ZBED6: variants seen among roughly 807,000 people sequenced by gnomAD.
ZBED6 encodes zinc finger BED-type containing 6.
In ZBED6, 40 loss-of-function variants were observed where a neutral mutation model predicts 58.4. The ratio of observed to expected loss-of-function variants is 0.68; its 90% CI spans 0.53 to 0.89. The LOEUF (loss-of-function observed/expected upper bound fraction) is 0.89. Ranked by LOEUF, ZBED6 falls within the 40% of genes least tolerant of loss-of-function variation. The pLI is 0.00. For synonymous variants in ZBED6, 439 were observed against 350.6 expected (o/e 1.25, Z -2.82); for missense variants, 1,057 against 1,003.9 (o/e 1.05, Z -0.71).
In ZBED6 at chr1:203,819,501, C is replaced by T. The variant is rs138168614; in HGVS notation, c.*2873+812C>T. Among the ~76,000 whole-genome samples, 247 of 147,244 alleles carry T rather than the reference C, an allele frequency of 1.7e-3. 5 individuals are homozygous for T. The East Asian group carries it at 0.039, about 23-fold the overall frequency. On this transcript the variant is annotated intron_variant, in intron 3 of 16. Transcript: ENST00000550078. Reference sequence around the variant, plus strand: ...CCTCTGAAAGTGCTGGGATTACATGCGTGAGCCACCGTGCCCAGCTGACTC... The same window carrying T: ...CCTCTGAAAGTGCTGGGATTACATGTGTGAGCCACCGTGCCCAGCTGACTC...
chr1:203,808,911 A>G (rs771541230), intron 1 of ZBED6, among the ~76,000 whole-genome samples: 2 of 151,778 alleles, frequency 1.3e-5, no homozygotes, highest in Non-Finnish European at 2.9e-5. Context: ...GCTCACTGCA[A>G]CCTCCACCTC....
intron 1 of ZBED6, among the ~76,000 whole-genome samples, chr1:203,810,962 C>T (rs1445853351): frequency 3.4e-5 from 5 of 148,880 alleles, no homozygotes; most frequent in Non-Finnish European, 4.4e-5. Flanking sequence ...GAAACTCCAT[C>T]TCTACTAAAA....
chr1:203,851,161 C>A, intron 16 of ZBED6, 37 bp downstream of exon 16: 1 of 1,591,528 alleles, frequency 6.3e-7, no homozygotes, highest in Non-Finnish European at 8.6e-7. Flanking sequence ...AAACTCCAGG[C>A]CCCTGTTACT....
chr1:203,837,964 A>T lies in ZBED6; in HGVS notation c.*3574-2A>T. 6.2e-7 allele frequency: 1 copy of T among 1,607,668 alleles called. No individual in the cohort carries two copies. On this transcript the variant is annotated splice_acceptor_variant, in intron 9 of 16. Transcript: ENST00000550078. LOFTEE classifies it low-confidence loss of function (3UTR_SPLICE). ...CTTAAACTAAGTTCTCCCTCTTTAT[A>T]GGCGGTGACAGTGATCCTCCATTAA...
At chr1:203,846,486 T>A (rs904532996) in intron 11 of ZBED6, among the ~76,000 whole-genome samples, 3 of 152,220 alleles carry the variant, frequency 2.0e-5, no homozygotes, top group African/African-American at 7.2e-5. Context: ...GTGTAGGTGT[T>A]CCTGCTGTGT....
At chr1:203,810,798 C>T (rs1278352236) in intron 1 of ZBED6, among the ~76,000 whole-genome samples, 1 of 151,976 alleles carries the variant, frequency 6.6e-6, no homozygotes, top group Non-Finnish European at 1.5e-5. Context: ...TCCATTTCTC[C>T]ACACTCTGCC....
Position 203,799,206 on chromosome 1 carries a change from G to A in ZBED6, c.1684G>A (p.Val562Ile), listed in dbSNP as rs956337815. The A allele has an allele frequency of 5.8e-6, 6 of 1,043,380 alleles. No individual in the cohort carries two copies. The highest frequency in any genetic ancestry group is 7.2e-6 in the Non-Finnish European group (5 of 696,856). 64.6% of individuals were successfully genotyped at this position (1,043,380 alleles called of 1,614,324 possible). The change falls in exon 1 of 17, where the codon GTT (valine) becomes ATT (isoleucine). Residue 562 changes from valine (V) to isoleucine (I), a missense_variant. Coordinates refer to ENST00000550078, the Ensembl canonical transcript of ZBED6. The stretch of plus-strand genomic sequence containing the variant: ...AAATTTCCTTATCCCTAGCTTCATT[G>A]TTTCTGACAATTCCTCTAATGTGGT...
At chr1:203,840,542 C>A (rs1465759268) in intron 11 of ZBED6, among the ~76,000 whole-genome samples, 168 bp downstream of exon 11, 1 of 151,966 alleles carries the variant, frequency 6.6e-6, no homozygotes, top group Non-Finnish European at 1.5e-5. Flanking sequence ...CAACTGGGAT[C>A]AATTCCTTTT....
chr1:203,843,470 C>A (rs530751434), intron 11 of ZBED6, among the ~76,000 whole-genome samples: 1 of 152,106 alleles, frequency 6.6e-6, no homozygotes, highest in Non-Finnish European at 1.5e-5. Flanking sequence ...TTTTGGCTAA[C>A]CTTCTGTGAG....
At chr1:203,820,357 T>C (rs1413088600) in intron 3 of ZBED6, among the ~76,000 whole-genome samples, 3 of 152,108 alleles carry the variant, frequency 2.0e-5, no homozygotes, top group Non-Finnish European at 2.9e-5. Context: ...TTAACACTTA[T>C]GGTAGCTATA....
At chr1:203,830,930 T>TTTTA (rs1682092649) in intron 7 of ZBED6, among the ~76,000 whole-genome samples, 1 of 74,836 alleles carries the variant, frequency 1.3e-5, no homozygotes, top group African/African-American at 7.2e-5. Context: ...CCCCAATTTT[T>TTTTA]TTTTTTTTTT....
At chr1:203,846,644 C>G (rs1277500412) in intron 11 of ZBED6, among the ~76,000 whole-genome samples, 3 of 152,156 alleles carry the variant, frequency 2.0e-5, no homozygotes, top group Admixed American at 2.0e-4. Context: ...GCCCAGTGTT[C>G]ATTACATGTT....
At chr1:203,803,279 C>T (rs1187338816) in intron 1 of ZBED6, among the ~76,000 whole-genome samples, 1 of 151,894 alleles carries the variant, frequency 6.6e-6, no homozygotes, top group Non-Finnish European at 1.5e-5. Flanking sequence ...GCAACCTCCT[C>T]CTCCCAGGTT....
chr1:203,847,252 C>G (rs1323162054), exon 12 of ZBED6: 1 of 1,613,634 alleles, frequency 6.2e-7, no homozygotes, highest in Non-Finnish European at 8.5e-7. Context: ...AAGAGCCAGT[C>G]AGAAACGTGG....
chr1:203,833,618 G>GTTTTTT (rs553171669), intron 8 of ZBED6, among the ~76,000 whole-genome samples, 173 bp from the exon 9 acceptor site: 15,360 of 123,606 alleles, frequency 0.12, 1,071 homozygotes, highest in East Asian at 0.29. Context: ...ATAGGTTTGG[G>GTTTTTT]TTTTTTTTTT....
chr1:203,847,541 A>T, exon 12 of ZBED6: 1 of 1,614,008 alleles, frequency 6.2e-7, no homozygotes. Context: ...AAGTCTATGC[A>T]GGAGGTGCAC....
chr1:203,798,708 G>A lies in ZBED6; in HGVS notation c.1186G>A (p.Glu396Lys), dbSNP rs1289889231. The A allele has an allele frequency of 7.8e-6, 12 of 1,536,104 alleles. No homozygotes were observed. The South Asian group carries it at 1.3e-4, about 17-fold the overall frequency. ...GCAAGGCACTCTGATGCGTGCGCAG[G>A]AGAGAGAAACAACATGTTGTGGAAA... is the stretch of plus-strand genomic sequence containing the variant. The change falls in exon 1 of 17, where the codon GAG becomes AAG. Residue 396 changes from glutamate (E) to lysine (K), a missense_variant. Coordinates refer to ENST00000550078, the Ensembl canonical transcript of ZBED6.
At chr1:203,853,280 A>G (rs558179106) in exon 17 of ZBED6, 4 of 152,748 alleles carry the variant, frequency 2.6e-5, no homozygotes, top group South Asian at 2.1e-4. Flanking sequence ...CCTGTTGCCC[A>G]GTATTTGTTT....
intron 1 of ZBED6, among the ~76,000 whole-genome samples, chr1:203,809,734 A>T (rs1293019795): frequency 6.6e-6 from 1 of 152,034 alleles, no homozygotes. Context: ...TGGGCAGATC[A>T]CTTGAGGTCA....
Sources: gnomAD v4.1 joint callset for allele counts (sites outside exome capture counted in the v4.1 genomes callset) on GRCh38, gnomAD v4.1.1 for gene constraint, MANE v1.5 for transcripts, NCBI Gene and HGNC (gene_info 2026-07-23, HGNC 2026-07-21) for gene names.